TENM1: variants seen among roughly 807,000 people sequenced by gnomAD.
TENM1 encodes the protein teneurin-1.
Under a neutral mutation model 174.8 loss-of-function variants are expected in TENM1, and 35 were observed. That is an observed-to-expected ratio of 0.20 (90% CI 0.15 to 0.27). The LOEUF is 0.27. Among genes scored for constraint, TENM1 ranks in the 10% least tolerant of loss-of-function variants. The probability of loss-of-function intolerance (pLI) is 1.00; values close to 1 mark genes in which losing one functional copy is unlikely to be tolerated. For missense variants in TENM1, 1,633 were observed against 2,130.1 expected (o/e 0.77, Z 4.59); for synonymous variants, 781 against 798.7 (o/e 0.98, Z 0.37).
intron 25 of TENM1, among the ~76,000 whole-genome samples, chrX:124,412,423 T>C (rs1383450660): frequency 1.8e-5 from 2 of 112,779 alleles, no homozygotes; most frequent in Non-Finnish European, 3.7e-5. Flanking sequence ...TAGCTTGCCC[T>C]TTCCTCTGAG....
the TENM1 span, among the ~76,000 whole-genome samples, chrX:125,161,050 A>AC: frequency 4.2e-4 from 45 of 107,747 alleles, no homozygotes; most frequent in Middle Eastern, 9.8e-3. Flanking sequence ...AAAAAAAAAA[A>AC]AAAAAAAAAA....
intron 3 of TENM1, among the ~76,000 whole-genome samples, chrX:124,866,742 T>C (rs954162333): frequency 1.8e-5 from 2 of 110,828 alleles, no homozygotes; most frequent in Non-Finnish European, 3.8e-5. Flanking sequence ...TTTTTTAAGT[T>C]AAACAAGATT....
intron 11 of TENM1, among the ~76,000 whole-genome samples, chrX:124,586,145 C>T (rs749846994): frequency 9.1e-6 from 1 of 110,122 alleles, no homozygotes; most frequent in South Asian, 4.0e-4. Context: ...TGAAACTATT[C>T]CAATCAATAG....
chrX:124,613,929 G>A (rs761851243), intron 11 of TENM1, among the ~76,000 whole-genome samples: 5 of 111,566 alleles, frequency 4.5e-5, no homozygotes, highest in East Asian at 2.9e-4. Context: ...AGACTACTCC[G>A]TGGGAAGCTG....
chrX:124,905,849 T>A lies in TENM1; in HGVS notation c.218-9608A>T, dbSNP rs57882514. On this transcript the variant is annotated intron_variant, in intron 1 of 31. Coordinates refer to ENST00000422452, the Ensembl canonical transcript of TENM1. Reference sequence around the variant, plus strand: ...TGCGTGCAAGAAAACCATCTGAGAATGGAGAAAGAGCCATCAGAAAGGAAT... The same window carrying A: ...TGCGTGCAAGAAAACCATCTGAGAAAGGAGAAAGAGCCATCAGAAAGGAAT... Among the ~76,000 whole-genome samples the A allele has an allele frequency of 4.8e-3, 534 of 111,583 alleles. 2 individuals are homozygous for A. Among genetic ancestry groups the A allele is most frequent in the African/African-American group, 0.016 (507 of 30,752 alleles).
the TENM1 span, among the ~76,000 whole-genome samples, chrX:124,989,087 CA>C: frequency 9.0e-6 from 1 of 111,062 alleles, no homozygotes; most frequent in Non-Finnish European, 1.9e-5. Context: ...GAAATAAAAG[CA>C]ATACAGATTT....
At chrX:124,570,498 T>C (rs1201255284) in intron 11 of TENM1, among the ~76,000 whole-genome samples, 7 of 111,257 alleles carry the variant, frequency 6.3e-5, no homozygotes, top group Non-Finnish European at 1.3e-4. Flanking sequence ...CAAGAAATAA[T>C]ATCATGACCA....
At chrX:124,963,826 G>A, upstream of TENM1, 1 of 882,712 alleles carries the variant, frequency 1.1e-6, no homozygotes, top group Non-Finnish European at 1.6e-6. Context: ...TCCTGGAAGA[G>A]AAAGGGAAAA....
intron 11 of TENM1, among the ~76,000 whole-genome samples, chrX:124,600,301 ATGCAAAGTCCACCTTGAAG>A (rs745359639): frequency 0.012 from 1,333 of 111,769 alleles, 21 homozygotes; most frequent in African/African-American, 0.04. Flanking sequence ...TGTCAAAAAC[ATGCAAAGTCCACCTTGAAG>A]TGGCAGTCAG....
intron 22 of TENM1, among the ~76,000 whole-genome samples, chrX:124,464,508 T>A (rs1255262253): frequency 3.6e-5 from 4 of 112,239 alleles, no homozygotes; most frequent in Non-Finnish European, 7.5e-5. Flanking sequence ...TGCATCCGTA[T>A]GTCTTGACTA....
At chrX:124,609,179 T>C (rs2050228052) in intron 11 of TENM1, among the ~76,000 whole-genome samples, 1 of 111,025 alleles carries the variant, frequency 9.0e-6, no homozygotes, top group African/African-American at 3.3e-5. Flanking sequence ...CTTCCCCATT[T>C]CCCCTAAGGG....
At chrX:125,018,007 T>A in the TENM1 span, among the ~76,000 whole-genome samples, 1 of 111,668 alleles carries the variant, frequency 9.0e-6, no homozygotes, top group Non-Finnish European at 1.9e-5. Context: ...TCACAGAAGT[T>A]AAAGTTTAAT....
the TENM1 span, among the ~76,000 whole-genome samples, chrX:125,061,737 T>C: frequency 8.9e-6 from 1 of 111,852 alleles, no homozygotes; most frequent in African/African-American, 3.2e-5. Context: ...GCCTCCATGA[T>C]GAAACCCCAT....
intron 10 of TENM1, among the ~76,000 whole-genome samples, chrX:124,643,433 C>T (rs1189579861): frequency 9.0e-6 from 1 of 111,523 alleles, no homozygotes; most frequent in Non-Finnish European, 1.9e-5. Context: ...AAAAGAACTG[C>T]TGCTACTTGG....
intron 7 of TENM1, among the ~76,000 whole-genome samples, chrX:124,652,352 G>T (rs1394751765): frequency 9.1e-6 from 1 of 110,362 alleles, no homozygotes; most frequent in African/African-American, 3.3e-5. Flanking sequence ...TGAGCCCAAG[G>T]GTTTCAGACC....
intron 3 of TENM1, among the ~76,000 whole-genome samples, chrX:124,826,661 G>T (rs1284409462): frequency 9.0e-6 from 1 of 111,534 alleles, no homozygotes; most frequent in Non-Finnish European, 1.9e-5. Flanking sequence ...CAAAATGTTA[G>T]CAGTTGTTCT....
At chrX:124,593,687 T>A (rs1004957689) in intron 11 of TENM1, among the ~76,000 whole-genome samples, 3 of 111,868 alleles carry the variant, frequency 2.7e-5, no homozygotes, top group African/African-American at 9.8e-5. Context: ...TGGAGAGGGC[T>A]CTGCTGCACC....
In TENM1 at chrX:124,866,980, A is replaced by T. The variant is rs995783255; in HGVS notation, c.535+27316T>A. ...CAAAACCTAAACAGACCAATAATGA[A>T]TAACAAAATGGATGCTGTAATAAAA... On this transcript the variant is annotated intron_variant, in intron 3 of 31. Transcript: ENST00000422452. 2.2e-4 allele frequency among the ~76,000 whole-genome samples: 24 copies of T among 111,397 alleles called. No individual in the cohort carries two copies. In the Admixed American group the frequency reaches 2.3e-3, roughly 11 times the overall value.
chrX:124,847,316 G>A (rs189587727), intron 3 of TENM1, among the ~76,000 whole-genome samples: 53 of 111,694 alleles, frequency 4.7e-4, no homozygotes, highest in Admixed American at 2.8e-3. Flanking sequence ...ACTTCTAAAC[G>A]TAAGAAATAA....
Sources: allele counts gnomAD v4.1 joint callset (sites outside exome capture counted in the v4.1 genomes callset), GRCh38; gene constraint gnomAD v4.1.1; transcripts MANE v1.5; gene names NCBI Gene and HGNC (gene_info 2026-07-23, HGNC 2026-07-21).